MEMO1: variants seen among roughly 807,000 people sequenced by gnomAD.
The protein encoded by MEMO1 is mediator of cell motility 1.
A neutral mutation model predicts 45.2 loss-of-function variants in MEMO1; 6 were observed. The ratio of observed to expected loss-of-function variants is 0.13; its 90% CI spans 0.07 to 0.26. MEMO1 has a LOEUF of 0.26. MEMO1 is among the 10% of genes least tolerant of loss of function. The pLI is 1.00. For synonymous variants in MEMO1, 78 were observed against 124.3 expected (o/e 0.63, Z 2.48); for missense variants, 184 against 370.5 (o/e 0.50, Z 4.13).
In MEMO1 at chr2:31,888,208, G is replaced by A. The variant is rs1365028614; in HGVS notation, c.580+3784C>T. On this transcript the variant is annotated intron_variant, in intron 7 of 9. Transcript: ENST00000404530. ...TTGTTTATTTTTTGTTAGAGATGAG[G>A]TCTCACTTGTTCTCCAGGCTAGATT... 3.3e-5 allele frequency among the ~76,000 whole-genome samples: 5 copies of A among 152,036 alleles called. No individual in the cohort carries two copies. In the South Asian group the frequency reaches 1.0e-3, roughly 32 times the overall value.
intron 5 of MEMO1, among the ~76,000 whole-genome samples, chr2:31,919,457 C>T (rs1681947237): frequency 6.6e-6 from 1 of 152,030 alleles, no homozygotes; most frequent in South Asian, 2.1e-4. Flanking sequence ...TAGGCCTTGA[C>T]TCTTTTATTC....
At chr2:32,010,824 T>G (rs879424783) in intron 1 of MEMO1, 118 bp downstream of exon 1, 319 of 152,222 alleles carry the variant, frequency 2.1e-3, no homozygotes, top group Non-Finnish European at 3.7e-3. Flanking sequence ...TGACGGCATC[T>G]GGGGTCGGGC....
chr2:31,871,533 G>A (rs1558466587), intron 8 of MEMO1, among the ~76,000 whole-genome samples: 1 of 148,272 alleles, frequency 6.7e-6, no homozygotes, highest in Non-Finnish European at 1.5e-5. Context: ...ATATATATCT[G>A]AAACATAGAC....
intron 6 of MEMO1, among the ~76,000 whole-genome samples, chr2:31,912,724 A>G (rs1680780531): frequency 2.0e-5 from 3 of 152,186 alleles, no homozygotes. Context: ...TTTTACATAT[A>G]TACACAAACT....
chr2:32,000,031 C>T (rs191904125), intron 2 of MEMO1, among the ~76,000 whole-genome samples: 59 of 152,044 alleles, frequency 3.9e-4, no homozygotes, highest in African/African-American at 1.4e-3. Context: ...CACACATCAG[C>T]ACATCACTAC....
At chr2:31,884,311 C>T (rs764223018) in intron 7 of MEMO1, among the ~76,000 whole-genome samples, 11 of 152,110 alleles carry the variant, frequency 7.2e-5, no homozygotes, top group Non-Finnish European at 1.5e-4. Flanking sequence ...TTCAGATACA[C>T]CTAAATCTTT....
At chr2:31,870,376 T>C (rs1474729361) in intron 8 of MEMO1, among the ~76,000 whole-genome samples, 1 of 152,224 alleles carries the variant, frequency 6.6e-6, no homozygotes, top group East Asian at 1.9e-4. Flanking sequence ...CATTATATTC[T>C]GCCTCCTATT....
intron 4 of MEMO1, among the ~76,000 whole-genome samples, chr2:31,928,369 C>T (rs1683425872): frequency 1.3e-5 from 2 of 152,050 alleles, no homozygotes. Flanking sequence ...ATGGTAAAAC[C>T]TTGTCTCTAC....
chr2:31,926,739 C>T (rs377459541), intron 4 of MEMO1, among the ~76,000 whole-genome samples: 2 of 151,834 alleles, frequency 1.3e-5, no homozygotes, highest in East Asian at 3.9e-4. Context: ...CCTACCTACT[C>T]GGGAGACCGA....
At chr2:31,881,246 T>G (rs1675315067) in intron 8 of MEMO1, among the ~76,000 whole-genome samples, 1 of 151,706 alleles carries the variant, frequency 6.6e-6, no homozygotes, top group South Asian at 2.1e-4. Context: ...CCTCATCACT[T>G]TGGGAGGCCA....
intron 8 of MEMO1, among the ~76,000 whole-genome samples, chr2:31,883,000 A>G (rs1675644175): frequency 6.6e-6 from 1 of 152,188 alleles, no homozygotes; most frequent in Non-Finnish European, 1.5e-5. Flanking sequence ...AAGGACTCAA[A>G]AAAAAATATT....
At chr2:31,902,126 A>ATTT (rs1558489368) in intron 6 of MEMO1, among the ~76,000 whole-genome samples, 1 of 151,802 alleles carries the variant, frequency 6.6e-6, no homozygotes, top group South Asian at 2.1e-4. Flanking sequence ...TTAAAAACAA[A>ATTT]TTTTTTTAGA....
At chr2:31,966,644 CA>C (rs1195361301) in intron 2 of MEMO1, among the ~76,000 whole-genome samples, 1 of 151,218 alleles carries the variant, frequency 6.6e-6, no homozygotes, top group East Asian at 1.9e-4. Context: ...GCAGGAAAAT[CA>C]CTTGAACTTC....
At chr2:31,930,642 TAA>T (rs1664036176) in intron 4 of MEMO1, among the ~76,000 whole-genome samples, 1 of 151,838 alleles carries the variant, frequency 6.6e-6, no homozygotes, top group South Asian at 2.1e-4. Context: ...AAGAAGCTTA[TAA>T]AATATATATA....
intron 6 of MEMO1, among the ~76,000 whole-genome samples, chr2:31,911,305 A>T (rs72860906): frequency 0.13 from 20,003 of 152,194 alleles, 1,491 homozygotes; most frequent in Middle Eastern, 0.21. Context: ...CAACTGTAGG[A>T]CATTCAAGAA....
chr2:32,009,787 C>A (rs1314872500), intron 2 of MEMO1, among the ~76,000 whole-genome samples: 1 of 152,152 alleles, frequency 6.6e-6, no homozygotes, highest in East Asian at 1.9e-4. Context: ...CGGCGCCGGG[C>A]ACACCGTCCT....
rs779902746 is a variant in MEMO1 at position 31,917,994 on chromosome 2, A to T, written c.369T>A (p.Ser123=). The T allele has an allele frequency of 4.8e-5, 78 of 1,611,678 alleles. No individual in the cohort carries two copies. The East Asian group carries it at 1.5e-3, about 31-fold the overall frequency. The change falls in exon 6 of 10, where the codon TCT becomes TCA. Residue 123 remains serine, a synonymous_variant. Coordinates refer to ENST00000404530, the MANE Select transcript of MEMO1 (RefSeq NM_001301833.4). ...LWKTGMFERM[S]LQTDEDEHSI... ...TGTGTTCATCTTCATCTGTCTGCAG[A>T]GACATGCGTTCAAACATTCCTGTCT...
At chr2:31,941,022 T>C (rs764549358) in intron 3 of MEMO1, among the ~76,000 whole-genome samples, 9 of 152,206 alleles carry the variant, frequency 5.9e-5, no homozygotes, top group Admixed American at 2.6e-4. Flanking sequence ...TAATATAATA[T>C]CCATACAGCA....
intron 2 of MEMO1, among the ~76,000 whole-genome samples, chr2:31,967,030 T>G (rs891238392): frequency 6.6e-6 from 1 of 152,174 alleles, no homozygotes; most frequent in African/African-American, 2.4e-5. Flanking sequence ...ACTAAACTGT[T>G]TTGTAGTTAT....
Sources: gnomAD v4.1 joint callset for allele counts (sites outside exome capture counted in the v4.1 genomes callset) on GRCh38, gnomAD v4.1.1 for gene constraint, MANE v1.5 for transcripts, NCBI Gene and HGNC (gene_info 2026-07-23, HGNC 2026-07-21) for gene names.